CPM: variants seen among roughly 807,000 people sequenced by gnomAD.
CPM encodes renal carboxypeptidase.
CPM carries 35 observed loss-of-function variants against 46.4 expected under a neutral mutation model. The ratio of observed to expected loss-of-function variants is 0.75; its 90% CI spans 0.58 to 1.00. CPM has a LOEUF of 1.00. Ranked by LOEUF, CPM falls within the 50% of genes least tolerant of loss-of-function variation. The pLI is 0.00. For missense variants in CPM, 422 were observed against 530.4 expected, an observed-to-expected ratio of 0.80 and a Z score of 2.01; for synonymous variants, 195 against 195.3, an observed-to-expected ratio of 1.00 and a Z score of 0.01.
At chr12:68,870,502 G>T (rs1403290918) in intron 4 of CPM, 103 bp from the exon 5 acceptor site, 1 of 965,108 alleles carries the variant, frequency 1.0e-6, no homozygotes, top group Non-Finnish European at 1.5e-6. Context: ...CTTTCCAAAC[G>T]TGAGTATGGG....
chr12:68,957,349 ACAGCTCTCTGGTGATTCTTTATT>A (rs1889038344), intron 1 of CPM: 1 of 195,230 alleles, frequency 5.1e-6, no homozygotes, highest in Non-Finnish European at 1.1e-5. Flanking sequence ...GGTCATGGAC[ACAGCTCTCTGGTGATTCTTTATT>A]CAGCTAAGGG....
chr12:68,866,039 C>T (rs1303436775), intron 7 of CPM, among the ~76,000 whole-genome samples: 36 of 152,132 alleles, frequency 2.4e-4, no homozygotes, highest in Admixed American at 2.4e-3. Context: ...AAGGGCCAGC[C>T]AGCCTTCAGC....
chr12:68,848,653 C>T (rs1884492776), downstream of CPM: 1 of 152,152 alleles, frequency 6.6e-6, no homozygotes, highest in African/African-American at 2.4e-5. Flanking sequence ...TCTACCTTTT[C>T]TCACATTTGT....
upstream of CPM, among the ~76,000 whole-genome samples, chr12:68,933,601 G>A (rs191901467): frequency 2.5e-3 from 388 of 152,220 alleles, 1 homozygote; most frequent in African/African-American, 8.9e-3. Flanking sequence ...CCTGGAGCCG[G>A]GACGCATGCG....
At chr12:68,928,912 T>A (rs1189133469) in intron 2 of CPM, among the ~76,000 whole-genome samples, 2 of 33,404 alleles carry the variant, frequency 6.0e-5, no homozygotes, top group Non-Finnish European at 1.8e-4. Context: ...GTTAATTAAA[T>A]TTTTTTTTTT....
chr12:68,886,078 C>T (rs1886414546), intron 2 of CPM, among the ~76,000 whole-genome samples, 189 bp from the exon 3 acceptor site: 1 of 152,086 alleles, frequency 6.6e-6, no homozygotes, highest in South Asian at 2.1e-4. Context: ...TTTATGGAAA[C>T]CCTTTCAATT....
intron 3 of CPM, among the ~76,000 whole-genome samples, chr12:68,883,951 C>CA (rs1013844306): frequency 1.0e-4 from 14 of 136,520 alleles, no homozygotes; most frequent in East Asian, 4.2e-4. Flanking sequence ...AAAAAAAATA[C>CA]AAAAAAAAAT....
upstream of CPM, among the ~76,000 whole-genome samples, chr12:68,935,797 G>A (rs1458296219): frequency 6.6e-6 from 1 of 152,146 alleles, no homozygotes; most frequent in South Asian, 2.1e-4. Flanking sequence ...CTCTAGGAAT[G>A]GGAAAGGGAA....
intron 2 of CPM, among the ~76,000 whole-genome samples, chr12:68,912,280 C>T (rs1040532030): frequency 4.6e-5 from 7 of 152,220 alleles, no homozygotes; most frequent in African/African-American, 7.2e-5. Flanking sequence ...GGTGGGATTA[C>T]AGGTGTGAGC....
intron 4 of CPM, 136 bp from the exon 5 acceptor site, chr12:68,870,535 G>A (rs1397321625): frequency 7.0e-6 from 5 of 717,090 alleles, no homozygotes; most frequent in Non-Finnish European, 1.1e-5. Flanking sequence ...CTGCCCTTGT[G>A]GCCTGCCATG....
intron 2 of CPM, among the ~76,000 whole-genome samples, chr12:68,894,644 T>G (rs1886793178): frequency 6.6e-6 from 1 of 152,222 alleles, no homozygotes; most frequent in Non-Finnish European, 1.5e-5. Flanking sequence ...CCCAGGCTGC[T>G]CTGACTCACC....
chr12:68,941,029 T>C (rs1406081790), intron 1 of CPM, among the ~76,000 whole-genome samples: 2 of 152,140 alleles, frequency 1.3e-5, no homozygotes, highest in Non-Finnish European at 2.9e-5. Flanking sequence ...CCAACATTCT[T>C]TCTAAAAGTC....
intron 2 of CPM, among the ~76,000 whole-genome samples, chr12:68,930,111 A>G (rs1204414740): frequency 1.3e-5 from 2 of 151,848 alleles, no homozygotes; most frequent in African/African-American, 4.8e-5. Flanking sequence ...ATAGAGTTTC[A>G]CTCTTGTCAC....
At chr12:68,960,545 T>C (rs1249457818) in intron 1 of CPM, among the ~76,000 whole-genome samples, 2 of 152,196 alleles carry the variant, frequency 1.3e-5, no homozygotes, top group African/African-American at 4.8e-5. Flanking sequence ...GGGATAATGC[T>C]TCTTTACTTG....
chr12:68,898,633 G>A (rs1029271195), intron 2 of CPM, among the ~76,000 whole-genome samples: 15 of 152,178 alleles, frequency 9.9e-5, no homozygotes, highest in African/African-American at 3.1e-4. Flanking sequence ...CCAGCATTGA[G>A]CAGCACGTCA....
chr12:68,882,052 T>G (rs1886218875), intron 3 of CPM, among the ~76,000 whole-genome samples: 1 of 145,462 alleles, frequency 6.9e-6, no homozygotes, highest in Non-Finnish European at 1.5e-5. Context: ...TTTTTAACAT[T>G]TATTTTAAAA....
chr12:68,879,646 T>TA (rs1886104335), intron 3 of CPM, among the ~76,000 whole-genome samples: 1 of 152,188 alleles, frequency 6.6e-6, no homozygotes, highest in Non-Finnish European at 1.5e-5. Context: ...ATTATAAGTA[T>TA]GAGCCACCAT....
chr12:68,902,675 C>T (rs183370911), intron 2 of CPM, among the ~76,000 whole-genome samples: 1 of 152,218 alleles, frequency 6.6e-6, no homozygotes, highest in Non-Finnish European at 1.5e-5. Context: ...TCATTTAATC[C>T]TCAACAGAAA....
At position 68,869,435 on chromosome 12, in the gene CPM, G is replaced by C. The variant is rs775950249; in HGVS notation, c.677C>G (p.Ala226Gly). 2 of 1,613,768 alleles carry C rather than the reference G, an allele frequency of 1.2e-6. No homozygotes were observed. The highest frequency in any genetic ancestry group is 1.7e-6 in the Non-Finnish European group (2 of 1,179,854). ...TPDDDVFQYL[A>G]HTYASRNPNM... ...GGGATTTCTTGAAGCATAGGTATGT[G>C]CAAGATATTGAAAAACATCATCATC... Residue 226 changes from alanine to glycine, a missense_variant, in exon 6 of 9, where the codon GCA becomes GGA. By Grantham distance (60) the Ala-to-Gly change is moderately conservative. Transcript: ENST00000551568.
Sources: allele counts gnomAD v4.1 joint callset (sites outside exome capture counted in the v4.1 genomes callset), GRCh38; gene constraint gnomAD v4.1.1; transcripts MANE v1.5; gene names NCBI Gene and HGNC (gene_info 2026-07-23, HGNC 2026-07-21).